The following IQANK1 variants were observed in gnomAD, a reference collection of about 807,000 sequenced individuals.
IQANK1 encodes the protein IQ motif and ankyrin repeat containing 1.
A neutral mutation model predicts 22.6 loss-of-function variants in IQANK1; 30 were observed. The ratio of observed to expected loss-of-function variants is 1.33; its 90% CI spans 0.99 to 1.80. IQANK1 has a LOEUF of 1.80. IQANK1 is among the 40% of genes most tolerant of loss of function. IQANK1 has a pLI of 0.00. For synonymous variants in IQANK1, 122 were observed against 99.6 expected, an observed-to-expected ratio of 1.23 and a Z score of -1.34; for missense variants, 275 against 235.2, an observed-to-expected ratio of 1.17 and a Z score of -1.11.
chr8:143,765,574 A>C (rs561016002), intron 3 of IQANK1, among the ~76,000 whole-genome samples: 1 of 152,110 alleles, frequency 6.6e-6, no homozygotes, highest in African/African-American at 2.4e-5. Context: ...CCATTGCTCT[A>C]TGGATTACTT....
In IQANK1 at chr8:143,789,852, G is replaced by A. The variant is rs1484722595; in HGVS notation, c.1178G>A (p.Arg393Gln). The A allele has an allele frequency of 8.9e-6, 11 of 1,231,970 alleles. No homozygotes were observed. In the Admixed American group the frequency reaches 2.5e-4, roughly 28 times the overall value. The allele number at this position is 1,231,970 out of a possible 1,614,324, so 76.3% of individuals were successfully genotyped here. Residue 393 changes from arginine to glutamine, a missense_variant, in exon 11 of 14, where the codon CGG (arginine) becomes CAG (glutamine). Arg to Gln is a conservative substitution (Grantham distance 43). Coordinates refer to ENST00000527139, the MANE Select transcript of IQANK1 (RefSeq NM_001381874.1). Reference protein sequence around the residue: ...EALAMARLELREQTQEGEEEA... With the variant: ...EALAMARLELQEQTQEGEEEA... The stretch of plus-strand genomic sequence containing the variant: ...CTGGCTATGGCCAGGCTGGAGCTTC[G>A]GGAGCAGACGCAGGAGGGTGGGCCT...
intron 3 of IQANK1, chr8:143,744,532 T>C (rs1554627044): frequency 6.6e-6 from 1 of 152,238 alleles, no homozygotes; most frequent in Non-Finnish European, 1.5e-5. Flanking sequence ...GTGGCAGCTC[T>C]CACTGGCCCT....
chr8:143,776,346 GAA>G (rs1363699326), intron 7 of IQANK1, among the ~76,000 whole-genome samples: 3 of 118,572 alleles, frequency 2.5e-5, no homozygotes, highest in African/African-American at 8.8e-5. Flanking sequence ...AAAAAAAAAA[GAA>G]AAAGAAAAAA....
At chr8:143,752,548 C>T (rs1276410111) in intron 3 of IQANK1, among the ~76,000 whole-genome samples, 4 of 152,184 alleles carry the variant, frequency 2.6e-5, no homozygotes, top group Non-Finnish European at 5.9e-5. Flanking sequence ...TTTCTTCAAA[C>T]ATAGTCATAA....
intron 3 of IQANK1, among the ~76,000 whole-genome samples, chr8:143,749,370 T>A (rs13276634): frequency 7.7e-6 from 1 of 129,768 alleles, no homozygotes; most frequent in African/African-American, 3.0e-5. Flanking sequence ...AATATATAAA[T>A]ATATATAAAT....
chr8:143,751,454 A>G (rs928032488), intron 3 of IQANK1, among the ~76,000 whole-genome samples: 3 of 151,758 alleles, frequency 2.0e-5, no homozygotes, highest in Non-Finnish European at 2.9e-5. Context: ...TCTACTAAAA[A>G]TACAAAAATT....
chr8:143,783,549 T>C (rs998475041), intron 7 of IQANK1, among the ~76,000 whole-genome samples: 3 of 152,234 alleles, frequency 2.0e-5, no homozygotes, highest in Admixed American at 1.3e-4. Flanking sequence ...ACTCACTTAA[T>C]GTTATAATTT....
At chr8:143,761,886 CAT>C (rs10552126) in intron 3 of IQANK1, among the ~76,000 whole-genome samples, 87,877 of 150,988 alleles carry the variant, frequency 0.58, 30,442 homozygotes, top group Non-Finnish European at 0.77. Context: ...TATATCCTAA[CAT>C]ATATGATGTA....
intron 3 of IQANK1, among the ~76,000 whole-genome samples, chr8:143,752,021 A>G (rs1484487837): frequency 2.6e-5 from 4 of 151,962 alleles, no homozygotes; most frequent in African/African-American, 9.7e-5. Flanking sequence ...GCTGGAGTGC[A>G]ATGGCACAAT....
intron 7 of IQANK1, among the ~76,000 whole-genome samples, chr8:143,780,694 C>T (rs558697742): frequency 6.6e-6 from 1 of 152,260 alleles, no homozygotes; most frequent in South Asian, 2.1e-4. Context: ...CCACGGTGTG[C>T]ATGTACCACA....
At chr8:143,738,173 G>T (rs781887468) in intron 2 of IQANK1, among the ~76,000 whole-genome samples, 3 of 152,146 alleles carry the variant, frequency 2.0e-5, no homozygotes, top group Non-Finnish European at 4.4e-5. Context: ...CCCAGCTGCC[G>T]GCTGGGCCCT....
At chr8:143,740,012 C>G in intron 3 of IQANK1, 64 bp downstream of exon 3, 3 of 643,912 alleles carry the variant, frequency 4.7e-6, no homozygotes, top group Admixed American at 2.3e-5. Context: ...GGGGGGTGCC[C>G]TGGCCCGGGA....
chr8:143,783,995 C>T (rs868975650), intron 7 of IQANK1, among the ~76,000 whole-genome samples: 1 of 152,146 alleles, frequency 6.6e-6, no homozygotes, highest in African/African-American at 2.4e-5. Flanking sequence ...AGTCTTGTAC[C>T]AGATAAAAGC....
intron 3 of IQANK1, among the ~76,000 whole-genome samples, chr8:143,763,074 T>C (rs1819425125): frequency 6.6e-6 from 1 of 152,068 alleles, no homozygotes; most frequent in African/African-American, 2.4e-5. Context: ...TGGAGTGCAG[T>C]GGTGCGATCT....
At chr8:143,787,665 G>C (rs115423868) in intron 7 of IQANK1, among the ~76,000 whole-genome samples, 1 of 152,048 alleles carries the variant, frequency 6.6e-6, no homozygotes, top group East Asian at 1.9e-4. Flanking sequence ...TCCTGCCCCC[G>C]CTCTTTCCCC....
intron 7 of IQANK1, among the ~76,000 whole-genome samples, chr8:143,785,765 C>T (rs1247862418): frequency 3.3e-5 from 5 of 149,504 alleles, no homozygotes; most frequent in Admixed American, 1.3e-4. Context: ...CTTGCTCTGT[C>T]ACCCAGGCTG....
At chr8:143,766,613 G>A (rs994769292) in intron 3 of IQANK1, among the ~76,000 whole-genome samples, 3 of 152,108 alleles carry the variant, frequency 2.0e-5, no homozygotes, top group African/African-American at 7.2e-5. Context: ...GGAGGTTGCA[G>A]TGAGCCAGGA....
At chr8:143,742,658 G>A (rs781960030) in intron 3 of IQANK1, 10 of 456,036 alleles carry the variant, frequency 2.2e-5, no homozygotes, top group South Asian at 1.2e-4. Context: ...CACCAGGAAG[G>A]TGTGGCTGAG....
chr8:143,740,644 A>G (rs1414187252), intron 3 of IQANK1, among the ~76,000 whole-genome samples: 1 of 152,200 alleles, frequency 6.6e-6, no homozygotes, highest in African/African-American at 2.4e-5. Flanking sequence ...CGGCCACATC[A>G]GGTCTGACCC....
Sources: allele counts gnomAD v4.1 joint callset (sites outside exome capture counted in the v4.1 genomes callset), GRCh38; gene constraint gnomAD v4.1.1; transcripts MANE v1.5; gene names NCBI Gene and HGNC (gene_info 2026-07-23, HGNC 2026-07-21).